RPS6KA2: variants seen among roughly 807,000 people sequenced by gnomAD.
The protein encoded by RPS6KA2 is ribosomal protein S6 kinase alpha-2.
A neutral mutation model predicts 91.8 loss-of-function variants in RPS6KA2; 42 were observed. The ratio of observed to expected loss-of-function variants is 0.46; its 90% CI spans 0.36 to 0.59. The LOEUF (loss-of-function observed/expected upper bound fraction) is 0.59, where lower values mean the gene tolerates loss of function less well. Ranked by LOEUF, RPS6KA2 falls within the 20% of genes least tolerant of loss-of-function variation. The pLI is 0.00. For synonymous variants in RPS6KA2, 414 were observed against 393.6 expected (o/e 1.05, Z -0.61); for missense variants, 798 against 978.5 (o/e 0.82, Z 2.46).
chr6:166,620,755 G>A (rs1786595997), intron 1 of RPS6KA2, among the ~76,000 whole-genome samples: 2 of 152,248 alleles, frequency 1.3e-5, no homozygotes, highest in Admixed American at 1.3e-4. Flanking sequence ...ACATTTCACT[G>A]ATGAAGCATT....
intron 2 of RPS6KA2, among the ~76,000 whole-genome samples, chr6:166,671,177 G>A (rs150074877): frequency 6.6e-4 from 100 of 152,254 alleles, no homozygotes; most frequent in African/African-American, 2.3e-3. Context: ...AGAGTAAATG[G>A]TCATTTTTCA....
At chr6:166,854,123 G>C (rs529967112) in intron 2 of RPS6KA2, among the ~76,000 whole-genome samples, 1 of 152,140 alleles carries the variant, frequency 6.6e-6, no homozygotes, top group African/African-American at 2.4e-5. Flanking sequence ...CACCCATCCC[G>C]TGAATTTATG....
Position 166,448,792 on chromosome 6 carries a change from C to T in RPS6KA2, c.1264G>A (p.Gly422Arg), listed in dbSNP as rs1238574693. ...TDGYEIKEDI[G>R]VGSYSVCKRC... ...TTGCACACTGAGTAGGAGCCCACCC[C>T]GATGTCCTCCTTGATCTCGTAGCCA... Residue 422 changes from glycine (G) to arginine (R), a missense_variant, in exon 14 of 21, where the codon GGG becomes AGG. Physicochemically the swap from Gly to Arg is moderately radical, Grantham distance 125. Coordinates refer to ENST00000265678, the MANE Select transcript of RPS6KA2 (RefSeq NM_021135.6). The surrounding 1 kb of genome is among the most constrained non-coding windows in gnomAD (Gnocchi z 4.7). 5.6e-6 allele frequency: 9 copies of T among 1,613,860 alleles called. No homozygotes were observed. The highest frequency in any genetic ancestry group is 1.7e-5 in the Admixed American group (1 of 59,976).
rs948581329 is a variant in RPS6KA2 at position 166,626,304 on chromosome 6, G to A, written c.99+617C>T. On this transcript the variant is annotated intron_variant, in intron 1 of 20. Transcript: ENST00000265678. This position sits in a 1 kb window ranked among gnomAD's most constrained non-coding sequence, Gnocchi z 4.1. ...CTTTGGGAGTACTCTGGGTTTTCAG[G>A]ACGAATCTGTATCAGCCTCGGCGCT... Among the ~76,000 whole-genome samples the A allele has an allele frequency of 3.9e-5, 6 of 152,238 alleles. No individual in the cohort carries two copies. Among genetic ancestry groups the A allele is most frequent in the African/African-American group, 1.2e-4 (5 of 41,464 alleles).
Position 166,500,219 on chromosome 6 carries a change from T to C in RPS6KA2, c.604+668A>G, listed in dbSNP as rs537167675. 4.2e-4 allele frequency among the ~76,000 whole-genome samples: 64 copies of C among 152,240 alleles called. No homozygotes were observed. Among genetic ancestry groups the C allele is most frequent in the Non-Finnish European group, 8.4e-4 (57 of 68,038 alleles). ...ATTCCTGGGAGACTTATTTCACACT[T>C]GGGGCCTCCTGACCTGTCAGGTGAT... On this transcript the variant is annotated intron_variant, in intron 7 of 20. Transcript: ENST00000265678. This position sits in a 1 kb window ranked among gnomAD's most constrained non-coding sequence, Gnocchi z 4.3.
intron 11 of RPS6KA2, among the ~76,000 whole-genome samples, chr6:166,466,279 C>T (rs1780517747): frequency 2.0e-5 from 3 of 152,348 alleles, no homozygotes; most frequent in South Asian, 4.1e-4. Flanking sequence ...AAAAAGGCGG[C>T]TTCTGCTCAG....
intron 2 of RPS6KA2, among the ~76,000 whole-genome samples, chr6:166,743,759 A>G (rs907892769): frequency 2.6e-5 from 4 of 152,068 alleles, no homozygotes; most frequent in African/African-American, 9.7e-5. Flanking sequence ...TTAACAAACC[A>G]GGCCCACGGC....
At chr6:166,715,873 A>C (rs1451270843) in intron 2 of RPS6KA2, among the ~76,000 whole-genome samples, 1 of 152,102 alleles carries the variant, frequency 6.6e-6, no homozygotes, top group Non-Finnish European at 1.5e-5. Flanking sequence ...CCCCGTCTCT[A>C]CTAAAAATAC....
chr6:166,552,437 C>T (rs1033065018), intron 1 of RPS6KA2, among the ~76,000 whole-genome samples: 6 of 152,166 alleles, frequency 3.9e-5, no homozygotes, highest in Admixed American at 2.0e-4. Context: ...CTCTGTGTGG[C>T]GAAAGATGTG....
At chr6:166,823,499 C>T (rs1038586986) in intron 2 of RPS6KA2, among the ~76,000 whole-genome samples, 9 of 150,582 alleles carry the variant, frequency 6.0e-5, no homozygotes, top group Non-Finnish European at 1.0e-4. Flanking sequence ...TCTTTAGAGA[C>T]ACTTCTTGAA....
At position 166,480,509 on chromosome 6, in the gene RPS6KA2, AT is replaced by A. The variant is rs1562523943; in HGVS notation, c.907+8323del. Among the ~76,000 whole-genome samples, 239 of 101,662 alleles carry A rather than the reference AT, an allele frequency of 2.4e-3. 5 individuals carry two copies. Among genetic ancestry groups the A allele is most frequent in the Middle Eastern group, 0.01 (2 of 196 alleles). The allele number at this position is 101,662 out of a possible 152,430, so 66.7% of individuals were successfully genotyped here. On this transcript the variant is annotated intron_variant, in intron 10 of 20. Transcript: ENST00000265678. ...TATATATATATATATATATATATATATATATAATATATTTTTTTTTTTTGAG... is the reference window on the plus strand; with the variant it reads ...TATATATATATATATATATATATATAATATAATATATTTTTTTTTTTTGAG...
At chr6:166,655,337 A>G (rs1787971844) in intron 2 of RPS6KA2, among the ~76,000 whole-genome samples, 3 of 152,240 alleles carry the variant, frequency 2.0e-5, no homozygotes, top group South Asian at 4.1e-4. Flanking sequence ...TGCACCACCC[A>G]CAACTGATGT....
intron 2 of RPS6KA2, among the ~76,000 whole-genome samples, chr6:166,532,216 T>C (rs1165948779): frequency 6.6e-6 from 1 of 152,214 alleles, no homozygotes; most frequent in African/African-American, 2.4e-5. Context: ...TCTAGTTCCA[T>C]GGAAACTCCA....
chr6:166,545,320 A>G (rs974107628), intron 1 of RPS6KA2, among the ~76,000 whole-genome samples: 6 of 152,194 alleles, frequency 3.9e-5, no homozygotes, highest in African/African-American at 1.4e-4. Flanking sequence ...TTTCTGACCA[A>G]TGAAAGTGAT....
intron 2 of RPS6KA2, among the ~76,000 whole-genome samples, chr6:166,749,723 C>T (rs1791213358): frequency 9.8e-6 from 1 of 102,426 alleles, no homozygotes; most frequent in Admixed American, 9.6e-5. Context: ...CCTCAGGCCC[C>T]CCATCCCCTT....
At chr6:166,813,864 T>A (rs568347242) in intron 2 of RPS6KA2, among the ~76,000 whole-genome samples, 1 of 152,234 alleles carries the variant, frequency 6.6e-6, no homozygotes, top group South Asian at 2.1e-4. Flanking sequence ...GTGATGATAT[T>A]GGAGATAGAC....
intron 19 of RPS6KA2, among the ~76,000 whole-genome samples, chr6:166,417,610 T>C (rs955753935): frequency 8.5e-6 from 1 of 118,236 alleles, no homozygotes; most frequent in African/African-American, 3.6e-5. Context: ...CAAATAAATC[T>C]CTCTCTCTAT....
chr6:166,469,988 G>T, intron 10 of RPS6KA2, 83 bp from the exon 11 acceptor site: 1 of 1,277,904 alleles, frequency 7.8e-7, no homozygotes, highest in Non-Finnish European at 1.1e-6. Context: ...TGTGGAGGGT[G>T]GGGATGTGCA....
chr6:166,580,215 C>G (rs897430570), intron 1 of RPS6KA2, among the ~76,000 whole-genome samples: 3 of 152,204 alleles, frequency 2.0e-5, no homozygotes, highest in African/African-American at 7.2e-5. Flanking sequence ...GAGGAAAGGG[C>G]CCAAGTGACA....
Sources: gnomAD v4.1 joint callset for allele counts (sites outside exome capture counted in the v4.1 genomes callset) on GRCh38, gnomAD v4.1.1 for gene constraint, Gnocchi (gnomAD v3.1) non-coding constraint, MANE v1.5 for transcripts, NCBI Gene and HGNC (gene_info 2026-07-23, HGNC 2026-07-21) for gene names.